The following KANSL3 variants were observed in gnomAD, a reference collection of about 807,000 sequenced individuals.
KANSL3 encodes the protein KAT8 regulatory NSL complex subunit 3, also known as NSL complex protein NSL3.
KANSL3 carries 16 observed loss-of-function variants against 89.2 expected under a neutral mutation model. That is an observed-to-expected ratio of 0.18 (90% CI 0.12 to 0.27). The LOEUF (loss-of-function observed/expected upper bound fraction) is 0.27. Ranked by LOEUF, KANSL3 falls within the 10% of genes least tolerant of loss-of-function variation. The pLI, the probability that KANSL3 is intolerant of heterozygous loss-of-function variation, is 1.00. For missense variants in KANSL3, 879 were observed against 1,110.6 expected (o/e 0.79, Z 2.96); for synonymous variants, 385 against 419.7 (o/e 0.92, Z 1.01).
At chr2:96,633,000 A>G (rs2073682370) in intron 2 of KANSL3, among the ~76,000 whole-genome samples, 1 of 151,564 alleles carries the variant, frequency 6.6e-6, no homozygotes, top group Admixed American at 6.6e-5. Flanking sequence ...ACTGGGCACA[A>G]GGGCTCACAA....
At chr2:96,625,421 C>A (rs1044854414) in intron 3 of KANSL3, among the ~76,000 whole-genome samples, 2 of 152,194 alleles carry the variant, frequency 1.3e-5, no homozygotes, top group African/African-American at 2.4e-5. Flanking sequence ...CTATTGATCA[C>A]GTTGCAAACT....
At chr2:96,632,307 A>T (rs947446599) in intron 2 of KANSL3, among the ~76,000 whole-genome samples, 2 of 152,178 alleles carry the variant, frequency 1.3e-5, no homozygotes, top group African/African-American at 4.8e-5. Flanking sequence ...TCTCTAAAAC[A>T]AACACAAAAA....
intron 11 of KANSL3, among the ~76,000 whole-genome samples, chr2:96,610,023 T>C (rs7575254): frequency 0.28 from 35,951 of 128,756 alleles, 5,851 homozygotes; most frequent in South Asian, 0.68. Flanking sequence ...CTCTATCAAA[T>C]TAAAGGAGAC....
At chr2:96,582,791 A>T in the KANSL3 span, among the ~76,000 whole-genome samples, 1 of 152,250 alleles carries the variant, frequency 6.6e-6, no homozygotes, top group East Asian at 1.9e-4. Context: ...AAAAATACTG[A>T]TTATTCATGC....
chr2:96,609,606 A>C (rs745338371), intron 11 of KANSL3, 44 bp from the exon 12 acceptor site: 2 of 1,479,780 alleles, frequency 1.4e-6, no homozygotes, highest in Non-Finnish European at 1.9e-6. Context: ...TACACATTGC[A>C]CGGCATCCTA....
chr2:96,631,245 G>A, intron 3 of KANSL3, 67 bp downstream of exon 3: 1 of 1,156,560 alleles, frequency 8.6e-7, no homozygotes, highest in Non-Finnish European at 1.3e-6. Flanking sequence ...CCTAATAAGT[G>A]TTATTTCAAT....
In KANSL3 at chr2:96,601,765, G is replaced by T; in HGVS notation, c.2494C>A (p.Pro832Thr). The T allele has an allele frequency of 6.4e-7, 1 of 1,571,794 alleles. No individual in the cohort carries two copies. The highest frequency in any genetic ancestry group is 8.6e-7 in the Non-Finnish European group (1 of 1,160,238). ...CGAAGTGTCAGAGTAATGGTGGTGG[G>T]GACCTTCAAGCCTGAGATAAAGAGA... ...ISNQASGLKV[P>T]TTITLTLRGQ... The change falls in exon 20 of 21, where the codon CCC becomes ACC. Residue 832 changes from proline to threonine, a missense_variant. Pro to Thr is a conservative substitution (Grantham distance 38). Transcript: ENST00000431828.
At chr2:96,589,255 TA>T (rs1182940284), downstream of KANSL3, among the ~76,000 whole-genome samples, 1 of 152,104 alleles carries the variant, frequency 6.6e-6, no homozygotes, top group Non-Finnish European at 1.5e-5. Context: ...AAACTCTAAT[TA>T]AAAGAATGAT....
At position 96,595,546 on chromosome 2, in the gene KANSL3, T is replaced by C; in HGVS notation, c.*65A>G. 1 of 1,585,348 alleles carries C rather than the reference T, an allele frequency of 6.3e-7. No homozygotes were observed. Among genetic ancestry groups the C allele is most frequent in the South Asian group, 1.1e-5 (1 of 89,446 alleles). ...GGACAGCTCAGCAGGACCACACACC[T>C]GTCCAGGGCCCACCATGAGGCAGCC... On this transcript the variant is annotated 3_prime_UTR_variant, in exon 21 of 21. Coordinates refer to ENST00000431828, the MANE Select transcript of KANSL3 (RefSeq NM_001115016.3).
chr2:96,601,847 G>C (rs1177808773), intron 19 of KANSL3, 71 bp from the exon 20 acceptor site: 29 of 1,477,606 alleles, frequency 2.0e-5, no homozygotes, highest in Non-Finnish European at 2.6e-5. Context: ...TTCCTTTCCT[G>C]GAGAGCTTCT....
At chr2:96,634,795 GA>G (rs367654309) in intron 2 of KANSL3, among the ~76,000 whole-genome samples, 79 of 152,328 alleles carry the variant, frequency 5.2e-4, no homozygotes, top group African/African-American at 1.6e-3. Flanking sequence ...GCCAGACATT[GA>G]GCTAGTACTT....
At chr2:96,631,035 T>C (rs2073294235) in intron 3 of KANSL3, among the ~76,000 whole-genome samples, 2 of 152,344 alleles carry the variant, frequency 1.3e-5, no homozygotes, top group South Asian at 2.1e-4. Context: ...GTCATATGTA[T>C]CAAATTTAAT....
intron 3 of KANSL3, among the ~76,000 whole-genome samples, chr2:96,622,815 C>T (rs549370049): frequency 2.0e-5 from 3 of 152,326 alleles, no homozygotes; most frequent in South Asian, 4.1e-4. Context: ...AGGCATGCTC[C>T]TGCATCACAG....
At chr2:96,611,012 A>G in intron 10 of KANSL3, 52 bp downstream of exon 10, 1 of 1,590,672 alleles carries the variant, frequency 6.3e-7, no homozygotes, top group Non-Finnish European at 8.6e-7. Flanking sequence ...AGGCATGCAC[A>G]CTCGCGCTCC....
Position 96,595,600 on chromosome 2 carries a change from A to G in KANSL3, c.*11T>C. 1 of 1,613,722 alleles carries G rather than the reference A, an allele frequency of 6.2e-7. No homozygotes were observed. The highest frequency in any genetic ancestry group is 8.5e-7 in the Non-Finnish European group (1 of 1,179,744). On this transcript the variant is annotated 3_prime_UTR_variant, in exon 21 of 21. Transcript: ENST00000431828. ...ACCAACTTGGTAAGGAGGACATATCACACAGCATCTTCAGGGTGCTGGAGG... is the reference window on the plus strand; with the variant it reads ...ACCAACTTGGTAAGGAGGACATATCGCACAGCATCTTCAGGGTGCTGGAGG...
At chr2:96,607,852 A>T (rs530778456) in intron 14 of KANSL3, among the ~76,000 whole-genome samples, 2 of 152,102 alleles carry the variant, frequency 1.3e-5, no homozygotes, top group African/African-American at 4.8e-5. Context: ...TCCTGGACAC[A>T]TCGTTAAACA....
chr2:96,631,560 G>T, intron 2 of KANSL3, 78 bp from the exon 3 acceptor site: 1 of 1,505,726 alleles, frequency 6.6e-7, no homozygotes, highest in Non-Finnish European at 9.0e-7. Context: ...GACAAAAAAT[G>T]TATCTTTAAT....
intron 19 of KANSL3, 132 bp from the exon 20 acceptor site, chr2:96,601,908 C>G: frequency 1.5e-6 from 2 of 1,355,674 alleles, no homozygotes; most frequent in Non-Finnish European, 2.0e-6. Flanking sequence ...GTCATCTATG[C>G]CCTATCAGTC....
At chr2:96,637,228 AATTTCTC>A in intron 1 of KANSL3, 43 bp from the exon 2 acceptor site, 1 of 697,712 alleles carries the variant, frequency 1.4e-6, no homozygotes, top group South Asian at 2.1e-5. Flanking sequence ...CAATATCCTA[AATTTCTC>A]CCAATCTACA....
Sources: allele counts gnomAD v4.1 joint callset (sites outside exome capture counted in the v4.1 genomes callset), GRCh38; gene constraint gnomAD v4.1.1; transcripts MANE v1.5; gene names NCBI Gene and HGNC (gene_info 2026-07-23, HGNC 2026-07-21).